The following GTF2A1L variants were observed in gnomAD, a reference collection of about 807,000 sequenced individuals.
GTF2A1L encodes the protein TFIIA-alpha and beta-like factor.
Under a neutral mutation model 49.7 loss-of-function variants are expected in GTF2A1L, and 48 were observed. The ratio of observed to expected loss-of-function variants is 0.97; its 90% CI spans 0.77 to 1.23. The LOEUF (loss-of-function observed/expected upper bound fraction) is 1.23. Ranked by LOEUF, GTF2A1L falls within the 50% of genes most tolerant of loss-of-function variation. The probability of loss-of-function intolerance (pLI) is 0.00; values close to 1 mark genes in which losing one functional copy is unlikely to be tolerated. For synonymous variants in GTF2A1L, 246 were observed against 193.5 expected (o/e 1.27, Z -2.25); for missense variants, 736 against 564.8 (o/e 1.30, Z -3.07).
rs556643247 is a variant in GTF2A1L at position 48,652,254 on chromosome 2, A to G, written c.978+5212A>G. ...TTATCCTTGTCTGGCAAGGTAACAT[A>G]GAAGCTCTGATTCATTTTTCAACAG... is the stretch of plus-strand genomic sequence containing the variant. On this transcript the variant is annotated intron_variant, in intron 6 of 8. Coordinates refer to ENST00000403751, the MANE Select transcript of GTF2A1L (RefSeq NM_006872.5). Among the ~76,000 whole-genome samples, 12 of 152,302 alleles carry G rather than the reference A, an allele frequency of 7.9e-5. No individual in the cohort carries two copies. The South Asian group carries it at 2.3e-3, about 29-fold the overall frequency.
At chr2:48,645,741 T>G (rs186819282) in intron 5 of GTF2A1L, among the ~76,000 whole-genome samples, 2 of 152,152 alleles carry the variant, frequency 1.3e-5, no homozygotes, top group African/African-American at 4.8e-5. Flanking sequence ...CTCCGCCTCC[T>G]GGGTTCACGC....
Position 48,626,376 on chromosome 2 carries a change from A to G in GTF2A1L, c.247+5086A>G, listed in dbSNP as rs1207128371. ...TATTTAATGTGTTCTGTTGTTCCAT[A>G]TGAATTTTAGACTTTTTTTTGTATT... On this transcript the variant is annotated intron_variant, in intron 3 of 8. Transcript: ENST00000403751. Among the ~76,000 whole-genome samples, 2 of 143,190 alleles carry G rather than the reference A, an allele frequency of 1.4e-5. 1 individual carries two copies. The highest frequency in any genetic ancestry group is 3.1e-5 in the Non-Finnish European group (2 of 63,754). 93.9% of individuals were successfully genotyped at this position (143,190 alleles called of 152,430 possible).
chr2:48,622,460 G>C (rs1346413610), intron 3 of GTF2A1L, among the ~76,000 whole-genome samples: 1 of 151,590 alleles, frequency 6.6e-6, no homozygotes, highest in Non-Finnish European at 1.5e-5. Context: ...CATTCCTTTG[G>C]AGTTTTGTTA....
chr2:48,659,985 A>G (rs2104265928), intron 6 of GTF2A1L, among the ~76,000 whole-genome samples: 1 of 152,278 alleles, frequency 6.6e-6, no homozygotes, highest in Non-Finnish European at 1.5e-5. Context: ...TACTTGCCTA[A>G]TCATCCTAGC....
At chr2:48,671,984 T>C (rs1679193523) in intron 8 of GTF2A1L, among the ~76,000 whole-genome samples, 1 of 152,204 alleles carries the variant, frequency 6.6e-6, no homozygotes, top group Non-Finnish European at 1.5e-5. Flanking sequence ...ATGTGACAGG[T>C]AAATCAAATG....
intron 8 of GTF2A1L, among the ~76,000 whole-genome samples, chr2:48,679,002 T>C (rs1447207103): frequency 2.0e-5 from 3 of 151,806 alleles, no homozygotes; most frequent in East Asian, 1.9e-4. Context: ...AATTTACTTA[T>C]GTATTAGGTT....
At chr2:48,657,275 C>A (rs1050736480) in intron 6 of GTF2A1L, among the ~76,000 whole-genome samples, 1 of 152,080 alleles carries the variant, frequency 6.6e-6, no homozygotes, top group Non-Finnish European at 1.5e-5. Flanking sequence ...TTTTTGGAGT[C>A]CCCAATGTCT....
At chr2:48,656,353 T>TTTTTTG (rs1558750484) in intron 6 of GTF2A1L, among the ~76,000 whole-genome samples, 1 of 134,268 alleles carries the variant, frequency 7.4e-6, no homozygotes, top group African/African-American at 3.6e-5. Flanking sequence ...TTTCTGTTTT[T>TTTTTTG]TTTTTTTTTT....
intron 8 of GTF2A1L, among the ~76,000 whole-genome samples, chr2:48,672,582 A>G (rs953780756): frequency 6.6e-6 from 1 of 152,140 alleles, no homozygotes; most frequent in African/African-American, 2.4e-5. Context: ...TATGATGGAA[A>G]AATCGGTGGG....
At chr2:48,651,605 A>C (rs73931113) in intron 6 of GTF2A1L, among the ~76,000 whole-genome samples, 2 of 152,122 alleles carry the variant, frequency 1.3e-5, no homozygotes, top group African/African-American at 4.8e-5. Flanking sequence ...CATGGCATGC[A>C]TTAGTGCTAA....
At chr2:48,643,693 A>ATTTTTTTTTTTTTTT (rs71399070) in intron 4 of GTF2A1L, among the ~76,000 whole-genome samples, 1 of 120,786 alleles carries the variant, frequency 8.3e-6, no homozygotes, top group Admixed American at 9.9e-5. Context: ...TATTAATACA[A>ATTTTTTTTTTTTTTT]TTTTTTTTTT....
At position 48,657,576 on chromosome 2, in the gene GTF2A1L, A is replaced by G. The variant is rs1297852921; in HGVS notation, c.978+10534A>G. Reference sequence around the variant, plus strand: ...CTTCAATAAACATAAGAGTGCAGGTACGTTTTTGGTAGAAATATTTCTTTT... The same window carrying G: ...CTTCAATAAACATAAGAGTGCAGGTGCGTTTTTGGTAGAAATATTTCTTTT... On this transcript the variant is annotated intron_variant, in intron 6 of 8. Coordinates refer to ENST00000403751, the MANE Select transcript of GTF2A1L (RefSeq NM_006872.5). Among the ~76,000 whole-genome samples, 13 of 152,112 alleles carry G rather than the reference A, an allele frequency of 8.5e-5. 1 individual carries two copies. The South Asian group carries it at 1.9e-3, about 22-fold the overall frequency.
intron 6 of GTF2A1L, among the ~76,000 whole-genome samples, chr2:48,654,216 A>G (rs1678039063): frequency 1.3e-5 from 2 of 152,112 alleles, no homozygotes; most frequent in African/African-American, 4.8e-5. Flanking sequence ...TATTATTTTT[A>G]TCTTCCAGTT....
intron 6 of GTF2A1L, among the ~76,000 whole-genome samples, chr2:48,652,223 A>T (rs890940708): frequency 2.0e-5 from 3 of 152,194 alleles, no homozygotes; most frequent in African/African-American, 7.2e-5. Context: ...GTATTCCTTT[A>T]TAAGCTTATC....
At chr2:48,657,049 T>C (rs1009389232) in intron 6 of GTF2A1L, among the ~76,000 whole-genome samples, 1 of 152,232 alleles carries the variant, frequency 6.6e-6, no homozygotes, top group Non-Finnish European at 1.5e-5. Context: ...TGTATACACC[T>C]GTCTATACAT....
chr2:48,625,679 G>T (rs1306703670), intron 3 of GTF2A1L, among the ~76,000 whole-genome samples: 1 of 142,572 alleles, frequency 7.0e-6, no homozygotes, highest in Non-Finnish European at 1.6e-5. Context: ...ACTTTCCAGG[G>T]TCAATTGATC....
intron 6 of GTF2A1L, among the ~76,000 whole-genome samples, chr2:48,668,099 T>C (rs931115521): frequency 1.3e-5 from 2 of 152,198 alleles, no homozygotes; most frequent in Non-Finnish European, 2.9e-5. Flanking sequence ...TGTCTGTTTT[T>C]ATGAATTTGC....
At chr2:48,628,507 C>A (rs116802164) in intron 3 of GTF2A1L, among the ~76,000 whole-genome samples, 1 of 143,358 alleles carries the variant, frequency 7.0e-6, no homozygotes. Context: ...ATATTGGCCA[C>A]TTCTATATCT....
intron 6 of GTF2A1L, among the ~76,000 whole-genome samples, chr2:48,655,183 T>G (rs1214742892): frequency 6.6e-6 from 1 of 151,982 alleles, no homozygotes; most frequent in Non-Finnish European, 1.5e-5. Context: ...ATTTTCTAGT[T>G]TTTAGCATAT....
Sources: allele counts gnomAD v4.1 joint callset (sites outside exome capture counted in the v4.1 genomes callset), GRCh38; gene constraint gnomAD v4.1.1; transcripts MANE v1.5; gene names NCBI Gene and HGNC (gene_info 2026-07-23, HGNC 2026-07-21).